Variants in CDH12 observed in about 807,000 individuals in gnomAD.
CDH12 encodes cadherin 12.
CDH12 carries 41 observed loss-of-function variants against 74.1 expected under a neutral mutation model. The ratio of observed to expected loss-of-function variants is 0.55; its 90% CI spans 0.43 to 0.72. CDH12 has a LOEUF of 0.72. CDH12 is among the 30% of genes least tolerant of loss of function. CDH12 has a pLI of 0.00. For synonymous variants in CDH12, 399 were observed against 355.0 expected, an observed-to-expected ratio of 1.12 and a Z score of -1.39; for missense variants, 945 against 977.2, an observed-to-expected ratio of 0.97 and a Z score of 0.44.
rs542805932 is a variant in CDH12 at position 22,367,693 on chromosome 5, A to T, written c.-333+37564T>A. On this transcript the variant is annotated intron_variant, in intron 3 of 14. Coordinates refer to ENST00000382254, the MANE Select transcript of CDH12 (RefSeq NM_004061.5). ...ATTTATGCTTTATATTTTTATGTACATATCAGGTAAATATAGAAGCCCATT... is the reference window on the plus strand; with the variant it reads ...ATTTATGCTTTATATTTTTATGTACTTATCAGGTAAATATAGAAGCCCATT... Among the ~76,000 whole-genome samples the T allele has an allele frequency of 1.1e-4, 17 of 152,322 alleles. No homozygotes were observed. The East Asian group carries it at 3.3e-3, about 29-fold the overall frequency.
chr5:21,764,890 A>G, intron 12 of CDH12, 88 bp downstream of exon 12: 1 of 1,203,906 alleles, frequency 8.3e-7, no homozygotes, highest in Admixed American at 2.0e-5. Flanking sequence ...AAACAAATAT[A>G]TGTGTGCATA....
chr5:22,478,658 G>T (rs1474557109), intron 2 of CDH12, among the ~76,000 whole-genome samples: 1 of 151,802 alleles, frequency 6.6e-6, no homozygotes, highest in African/African-American at 2.4e-5. Context: ...GAGCCTGAAA[G>T]ACTTATGCTG....
chr5:22,105,345 G>A (rs1032998481), intron 4 of CDH12, among the ~76,000 whole-genome samples: 2 of 150,484 alleles, frequency 1.3e-5, no homozygotes, highest in African/African-American at 2.4e-5. Flanking sequence ...CGCCCACCTC[G>A]GCCCCCCAAA....
chr5:21,965,817 T>G (rs1440880146), intron 6 of CDH12, among the ~76,000 whole-genome samples: 1 of 152,178 alleles, frequency 6.6e-6, no homozygotes, highest in African/African-American at 2.4e-5. Context: ...ATATGAATCC[T>G]GAGAATGAAG....
chr5:21,959,848 C>A (rs909329106), intron 6 of CDH12, among the ~76,000 whole-genome samples: 4 of 149,420 alleles, frequency 2.7e-5, no homozygotes, highest in Non-Finnish European at 3.0e-5. Flanking sequence ...ATCACTTGAA[C>A]CCGGGAGGCG....
chr5:22,295,540 T>C (rs1459675271), intron 3 of CDH12, among the ~76,000 whole-genome samples: 1 of 152,152 alleles, frequency 6.6e-6, no homozygotes, highest in African/African-American at 2.4e-5. Flanking sequence ...AAAGCACCAA[T>C]GCCTGGGGGA....
chr5:22,533,480 C>T (rs1737684782), intron 1 of CDH12, among the ~76,000 whole-genome samples: 3 of 152,288 alleles, frequency 2.0e-5, no homozygotes, highest in South Asian at 2.1e-4. Context: ...TAGAGACTTG[C>T]TACTTGACCT....
At chr5:22,059,253 C>CTCTATCTATCTA (rs11438319) in intron 5 of CDH12, among the ~76,000 whole-genome samples, 1,728 of 144,030 alleles carry the variant, frequency 0.012, 20 homozygotes, top group South Asian at 0.019. Flanking sequence ...TTTCCTTGTA[C>CTCTATCTATCTA]TCTATCTATC....
At chr5:22,219,911 G>A (rs534133798) in intron 3 of CDH12, among the ~76,000 whole-genome samples, 70 of 151,762 alleles carry the variant, frequency 4.6e-4, no homozygotes, top group African/African-American at 1.6e-3. Flanking sequence ...TGAGCTACCA[G>A]CTATAATTAT....
chr5:22,242,212 C>T (rs971558712), intron 3 of CDH12, among the ~76,000 whole-genome samples: 2 of 152,038 alleles, frequency 1.3e-5, no homozygotes, highest in East Asian at 1.9e-4. Context: ...ATAGTGGGTG[C>T]TCAAATATGA....
chr5:21,926,604 A>C (rs1486040209), intron 6 of CDH12, among the ~76,000 whole-genome samples: 1 of 152,176 alleles, frequency 6.6e-6, no homozygotes, highest in African/African-American at 2.4e-5. Flanking sequence ...TATAAACATA[A>C]AGCACTTTAT....
At chr5:22,568,626 G>A (rs577608067) in intron 1 of CDH12, among the ~76,000 whole-genome samples, 2 of 152,186 alleles carry the variant, frequency 1.3e-5, no homozygotes, top group East Asian at 3.9e-4. Flanking sequence ...ATGAATAAAT[G>A]GTAAGAAAAC....
intron 5 of CDH12, among the ~76,000 whole-genome samples, chr5:22,075,316 TGGGGGGA>T (rs1742233747): frequency 4.5e-5 from 2 of 44,754 alleles, no homozygotes; most frequent in South Asian, 8.0e-4. Context: ...TGTTGTGGGG[TGGGGGGA>T]GGGGGGAGGG....
intron 6 of CDH12, 92 bp from the exon 7 acceptor site, chr5:21,854,882 T>C: frequency 1.7e-6 from 2 of 1,194,232 alleles, no homozygotes; most frequent in Non-Finnish European, 1.2e-6. Flanking sequence ...TCCTTTGGTA[T>C]TTGACCTACG....
intron 1 of CDH12, among the ~76,000 whole-genome samples, chr5:22,660,523 C>A (rs1011080163): frequency 1.6e-4 from 24 of 152,188 alleles, no homozygotes; most frequent in African/African-American, 5.8e-4. Context: ...GGGATCCTCT[C>A]GTCTCAGCCC....
intron 4 of CDH12, among the ~76,000 whole-genome samples, chr5:22,154,098 AG>A (rs1747832569): frequency 8.0e-6 from 1 of 125,568 alleles, no homozygotes; most frequent in African/African-American, 2.6e-5. Context: ...AGCTTTAATG[AG>A]GTGTAATGAC....
chr5:22,848,716 C>A (rs973061736), intron 1 of CDH12, among the ~76,000 whole-genome samples: 2 of 152,144 alleles, frequency 1.3e-5, no homozygotes, highest in African/African-American at 2.4e-5. Flanking sequence ...CAGTGTGTAA[C>A]TCTAGCTTGG....
At chr5:22,727,897 T>C (rs2126999464) in intron 1 of CDH12, among the ~76,000 whole-genome samples, 1 of 151,908 alleles carries the variant, frequency 6.6e-6, no homozygotes, top group African/African-American at 2.4e-5. Flanking sequence ...ATTCTGACAC[T>C]GCTGTGTTTA....
At position 22,135,774 on chromosome 5, in the gene CDH12, G is replaced by A. The variant is rs1354355798; in HGVS notation, c.-186-56912C>T. On this transcript the variant is annotated intron_variant, in intron 4 of 14. Coordinates refer to ENST00000382254, the MANE Select transcript of CDH12 (RefSeq NM_004061.5). ...TGGTGACTGATGGTGGGTAAAGTAA[G>A]TCTTAGATTTGTAGCAGGTTTGTTT... Among the ~76,000 whole-genome samples the A allele has an allele frequency of 2.0e-5, 3 of 152,196 alleles. No individual in the cohort carries two copies. The East Asian group carries it at 5.8e-4, about 29-fold the overall frequency.
Sources: gnomAD v4.1 joint callset for allele counts (sites outside exome capture counted in the v4.1 genomes callset) on GRCh38, gnomAD v4.1.1 for gene constraint, MANE v1.5 for transcripts, NCBI Gene and HGNC (gene_info 2026-07-23, HGNC 2026-07-21) for gene names.